Variants in CSMD1 observed in about 807,000 individuals in gnomAD.
The protein encoded by CSMD1 is CUB and Sushi multiple domains 1, also known as CUB and sushi domain-containing protein 1.
A neutral mutation model predicts 417.5 loss-of-function variants in CSMD1; 213 were observed. The observed-to-expected ratio is 0.51, with a 90% CI of 0.46 to 0.57. The LOEUF (loss-of-function observed/expected upper bound fraction) is 0.57, where lower values mean the gene tolerates loss of function less well. Ranked by LOEUF, CSMD1 falls within the 20% of genes least tolerant of loss-of-function variation. The pLI is 0.00. For synonymous variants in CSMD1, 2,862 were observed against 1,736.8 expected (o/e 1.65, Z -16.11); for missense variants, 6,923 against 4,529.7 (o/e 1.53, Z -15.17).
chr8:4,322,633 A>G (rs1261496532), intron 3 of CSMD1, among the ~76,000 whole-genome samples: 1 of 152,200 alleles, frequency 6.6e-6, no homozygotes, highest in Non-Finnish European at 1.5e-5. Context: ...GACATATTTG[A>G]GAAAAATCTA....
At chr8:3,663,916 G>A (rs1021627678) in intron 7 of CSMD1, among the ~76,000 whole-genome samples, 3 of 152,150 alleles carry the variant, frequency 2.0e-5, no homozygotes, top group Admixed American at 6.5e-5. Context: ...TAAATTAACT[G>A]AGTCATGTTT....
chr8:2,987,524 CTTA>C lies in CSMD1; in HGVS notation c.8378-8727_8378-8725del, dbSNP rs1156884144. Reference sequence around the variant, plus strand: ...ACAATACCTTTTCTAAAAATCAAAGCTTATTCACTACTATTTTGAAAGATGATT... The same window carrying C: ...ACAATACCTTTTCTAAAAATCAAAGCTTCACTACTATTTTGAAAGATGATT... On this transcript the variant is annotated intron_variant, in intron 54 of 69. Coordinates refer to ENST00000635120, the MANE Select transcript of CSMD1 (RefSeq NM_033225.6). Among the ~76,000 whole-genome samples, 3 of 151,628 alleles carry C rather than the reference CTTA, an allele frequency of 2.0e-5. No individual in the cohort carries two copies. In the East Asian group the frequency reaches 5.8e-4, roughly 29 times the overall value.
At chr8:4,929,209 G>A (rs1275509369) in intron 1 of CSMD1, among the ~76,000 whole-genome samples, 2 of 152,182 alleles carry the variant, frequency 1.3e-5, no homozygotes, top group East Asian at 1.9e-4. Flanking sequence ...AGGGGACACA[G>A]TGAGAAGGCA....
chr8:3,422,414 C>A (rs529925817), intron 12 of CSMD1, among the ~76,000 whole-genome samples: 1 of 152,290 alleles, frequency 6.6e-6, no homozygotes, highest in Non-Finnish European at 1.5e-5. Flanking sequence ...CTTCCACTCA[C>A]TTTTCCCAAA....
chr8:3,547,779 TG>T (rs1467369579), intron 10 of CSMD1, among the ~76,000 whole-genome samples: 6 of 152,200 alleles, frequency 3.9e-5, no homozygotes, highest in Non-Finnish European at 8.8e-5. Context: ...TTTTTCTTGT[TG>T]CTCTTTAAGA....
At chr8:3,789,442 GTTTTT>G (rs34045957) in intron 5 of CSMD1, among the ~76,000 whole-genome samples, 1 of 115,606 alleles carries the variant, frequency 8.7e-6, no homozygotes, top group African/African-American at 3.2e-5. Context: ...TTTTTTAAGT[GTTTTT>G]TTTTTTTTTT....
chr8:3,619,849 T>G (rs1024357177), intron 7 of CSMD1, among the ~76,000 whole-genome samples: 1 of 152,176 alleles, frequency 6.6e-6, no homozygotes, highest in African/African-American at 2.4e-5. Flanking sequence ...TGTATTTAAT[T>G]CCAACACTTT....
intron 8 of CSMD1, 122 bp downstream of exon 8, chr8:3,616,588 T>A: frequency 3.1e-6 from 2 of 653,822 alleles, no homozygotes; most frequent in Non-Finnish European, 5.3e-6. Context: ...ACATTTAGAG[T>A]TAATGATTAA....
chr8:3,230,097 T>A lies in CSMD1; in HGVS notation c.4288A>T (p.Thr1430Ser). 1 of 1,613,472 alleles carries A rather than the reference T, an allele frequency of 6.2e-7. No individual in the cohort carries two copies. The highest frequency in any genetic ancestry group is 8.5e-7 in the Non-Finnish European group (1 of 1,179,654). Residue 1430 changes from threonine to serine, a missense_variant, in exon 27 of 70, where the codon ACC (threonine) becomes TCC (serine). Coordinates refer to ENST00000635120, the MANE Select transcript of CSMD1 (RefSeq NM_033225.6). ...AACCGGTTATTCAGCTGCACACAGGTGATTTTGGCTTGTCCTTGGAGCTGA... is the reference window on the plus strand; with the variant it reads ...AACCGGTTATTCAGCTGCACACAGGAGATTTTGGCTTGTCCTTGGAGCTGA... ...GYQLQGQAKI[T>S]CVQLNNRFFW... is the part of the protein sequence containing the mutation.
chr8:4,056,018 G>A (rs944480455), intron 3 of CSMD1, among the ~76,000 whole-genome samples: 1 of 149,440 alleles, frequency 6.7e-6, no homozygotes, highest in Non-Finnish European at 1.5e-5. Context: ...AGTCTACACA[G>A]ATTTCCTCCT....
chr8:4,224,135 C>T (rs1273802197), intron 3 of CSMD1, among the ~76,000 whole-genome samples: 1 of 152,164 alleles, frequency 6.6e-6, no homozygotes, highest in African/African-American at 2.4e-5. Context: ...CATGAGGACA[C>T]TTAACTTTGT....
chr8:4,891,807 T>C (rs979099509), intron 1 of CSMD1, among the ~76,000 whole-genome samples: 1 of 152,140 alleles, frequency 6.6e-6, no homozygotes, highest in Non-Finnish European at 1.5e-5. Flanking sequence ...TAGTCTAACT[T>C]AATTAAATGC....
At position 4,449,691 on chromosome 8, in the gene CSMD1, G is replaced by T. The variant is rs73660849; in HGVS notation, c.303-29626C>A. On this transcript the variant is annotated intron_variant, in intron 2 of 69. Coordinates refer to ENST00000635120, the MANE Select transcript of CSMD1 (RefSeq NM_033225.6). ...TGAGAGGAATGGGATGGGAAGAGAG[G>T]GAGAGAGAGGGAGTATGGGGAAGAA... 9.0e-3 allele frequency among the ~76,000 whole-genome samples: 1,374 copies of T among 152,200 alleles called. 21 individuals carry two copies. The highest frequency in any genetic ancestry group is 0.031 in the African/African-American group (1,301 of 41,526).
At chr8:3,795,142 T>A (rs79357736) in intron 5 of CSMD1, among the ~76,000 whole-genome samples, 1 of 67,534 alleles carries the variant, frequency 1.5e-5, no homozygotes, top group Admixed American at 1.7e-4. Flanking sequence ...GCTATAGATA[T>A]CTATCATGTA....
At chr8:4,229,692 C>T (rs1319592370) in intron 3 of CSMD1, among the ~76,000 whole-genome samples, 1 of 152,266 alleles carries the variant, frequency 6.6e-6, no homozygotes, top group East Asian at 1.9e-4. Context: ...ATCTGATGTA[C>T]AGCCTCAGCC....
chr8:4,487,003 G>A (rs1801448544), intron 2 of CSMD1, among the ~76,000 whole-genome samples: 1 of 152,128 alleles, frequency 6.6e-6, no homozygotes, highest in South Asian at 2.1e-4. Flanking sequence ...TCCACATCGA[G>A]GTGCTGAGGC....
At chr8:3,091,711 C>T in intron 47 of CSMD1, 49 bp from the exon 48 acceptor site, 1 of 1,549,244 alleles carries the variant, frequency 6.5e-7, no homozygotes, top group Non-Finnish European at 8.7e-7. Flanking sequence ...TGAGCACCTA[C>T]CAAATGCATA....
chr8:3,445,977 A>C (rs62505623), intron 12 of CSMD1, among the ~76,000 whole-genome samples: 20,795 of 152,212 alleles, frequency 0.14, 1,589 homozygotes, highest in African/African-American at 0.2. Context: ...TCTGGGCACA[A>C]CAGAGGGAGA....
intron 2 of CSMD1, among the ~76,000 whole-genome samples, chr8:4,467,291 C>T (rs1195609342): frequency 6.6e-6 from 1 of 152,244 alleles, no homozygotes; most frequent in East Asian, 1.9e-4. Flanking sequence ...CAATTCATGG[C>T]AAGGAAAGGA....
Sources: gnomAD v4.1 joint callset for allele counts (sites outside exome capture counted in the v4.1 genomes callset) on GRCh38, gnomAD v4.1.1 for gene constraint, MANE v1.5 for transcripts, NCBI Gene and HGNC (gene_info 2026-07-23, HGNC 2026-07-21) for gene names.